RAPGEF6: variants seen among roughly 807,000 people sequenced by gnomAD.
The protein encoded by RAPGEF6 is PDZ domain containing guanine nucleotide exchange factor (GEF) 2.
A neutral mutation model predicts 171.4 loss-of-function variants in RAPGEF6; 56 were observed. That is an observed-to-expected ratio of 0.33 (90% CI 0.26 to 0.41). RAPGEF6 has a LOEUF of 0.41. Ranked by LOEUF, RAPGEF6 falls within the 10% of genes least tolerant of loss-of-function variation. The pLI, the probability that RAPGEF6 is intolerant of heterozygous loss-of-function variation, is 1.00. For missense variants in RAPGEF6, 1,674 were observed against 1,921.4 expected (o/e 0.87, Z 2.41); for synonymous variants, 692 against 650.1 (o/e 1.06, Z -0.98).
At chr5:131,469,670 C>T (rs926446579) in intron 17 of RAPGEF6, 2 of 602,262 alleles carry the variant, frequency 3.3e-6, no homozygotes, top group African/African-American at 3.7e-5. Flanking sequence ...TTAATACTGG[C>T]TACCTTCTAA....
chr5:131,495,739 A>G (rs1298032085), intron 12 of RAPGEF6, 79 bp from the exon 13 acceptor site: 42 of 1,507,296 alleles, frequency 2.8e-5, no homozygotes, highest in South Asian at 3.8e-5. Flanking sequence ...AGCATGTCTA[A>G]AACTCATGAA....
chr5:131,541,581 T>C (rs1307058689), intron 6 of RAPGEF6, among the ~76,000 whole-genome samples: 1 of 152,038 alleles, frequency 6.6e-6, no homozygotes, highest in Non-Finnish European at 1.5e-5. Context: ...GGTTTCAAAC[T>C]CCTGGCTTCA....
intron 24 of RAPGEF6, among the ~76,000 whole-genome samples, chr5:131,437,422 A>C (rs1420103019): frequency 6.6e-6 from 1 of 152,234 alleles, no homozygotes; most frequent in African/African-American, 2.4e-5. Context: ...GGGATGGACC[A>C]CTGAGCAGCC....
chr5:131,503,063 A>G (rs1308605808), intron 11 of RAPGEF6, among the ~76,000 whole-genome samples: 1 of 152,190 alleles, frequency 6.6e-6, no homozygotes, highest in Admixed American at 6.5e-5. Context: ...TTGGCCTCCC[A>G]AAGTGCTGGG....
intron 23 of RAPGEF6, 177 bp from the exon 24 acceptor site, chr5:131,439,892 T>A: frequency 9.2e-7 from 1 of 1,087,822 alleles, no homozygotes; most frequent in Non-Finnish European, 1.3e-6. Context: ...GATTCTCACC[T>A]CTAGGTTATT....
At chr5:131,450,744 G>A (rs1753010033) in intron 21 of RAPGEF6, among the ~76,000 whole-genome samples, 1 of 152,042 alleles carries the variant, frequency 6.6e-6, no homozygotes, top group Admixed American at 6.5e-5. Flanking sequence ...CTTAAAGAAA[G>A]GTATTACATT....
intron 4 of RAPGEF6, among the ~76,000 whole-genome samples, chr5:131,585,196 A>AT (rs1374399108): frequency 6.6e-6 from 1 of 152,110 alleles, no homozygotes; most frequent in African/African-American, 2.4e-5. Context: ...ACGCAACATT[A>AT]TACCATACCC....
chr5:131,538,025 A>C (rs1341935024), intron 6 of RAPGEF6, among the ~76,000 whole-genome samples: 1 of 152,196 alleles, frequency 6.6e-6, no homozygotes, highest in Admixed American at 6.5e-5. Flanking sequence ...TTGGGAGGTC[A>C]AAGCTGCAAT....
In RAPGEF6 at chr5:131,498,622, A is replaced by G; in HGVS notation, c.1255-15T>C. On this transcript the variant is annotated splice_polypyrimidine_tract_variant and intron_variant, in intron 11 of 27. Coordinates refer to ENST00000509018, the MANE Select transcript of RAPGEF6 (RefSeq NM_016340.6). ...TCAGGTGTTGCCTAAAAATCCAAGG[A>G]TAGGAAGGATTAGAAAATAAACAAA... 6.2e-7 allele frequency: 1 copy of G among 1,607,074 alleles called. No homozygotes were observed.
At chr5:131,548,298 G>C in intron 5 of RAPGEF6, 108 bp from the exon 6 acceptor site, 1 of 1,111,158 alleles carries the variant, frequency 9.0e-7, no homozygotes, top group Non-Finnish European at 1.3e-6. Flanking sequence ...CTTCTTACAA[G>C]AAACTGCCTC....
intron 11 of RAPGEF6, 92 bp downstream of exon 11, chr5:131,504,534 T>C: frequency 7.8e-7 from 1 of 1,281,974 alleles, no homozygotes. Context: ...TAATGAATTA[T>C]CTTGCATTAC....
chr5:131,604,702 C>T lies in RAPGEF6; in HGVS notation c.70-9G>A. On this transcript the variant is annotated splice_polypyrimidine_tract_variant and intron_variant, in intron 1 of 27. Coordinates refer to ENST00000509018, the MANE Select transcript of RAPGEF6 (RefSeq NM_016340.6). ...TAAATAGTATTTAAGTCCTGTGGAA[C>T]AGAAGAAAAAAATTAGATTATTTTT... 1 of 1,591,394 alleles carries T rather than the reference C, an allele frequency of 6.3e-7. No homozygotes were observed.
intron 15 of RAPGEF6, among the ~76,000 whole-genome samples, chr5:131,484,222 CTTTTTTT>C (rs751000560): frequency 1.2e-4 from 9 of 74,108 alleles, no homozygotes; most frequent in African/African-American, 3.1e-4. Context: ...ACTGCAGAGG[CTTTTTTT>C]TTTTTTTTTT....
chr5:131,476,048 G>A (rs989593733), intron 16 of RAPGEF6, among the ~76,000 whole-genome samples: 2 of 152,122 alleles, frequency 1.3e-5, no homozygotes, highest in Non-Finnish European at 2.9e-5. Flanking sequence ...AAAGAAAGCA[G>A]AGAAGGAAGG....
Position 131,446,496 on chromosome 5 carries a change from A to G in RAPGEF6, c.3408T>C (p.Pro1136=), listed in dbSNP as rs749905730. 6.2e-7 allele frequency: 1 copy of G among 1,613,770 alleles called. No homozygotes were observed. The highest frequency in any genetic ancestry group is 1.7e-5 in the Admixed American group (1 of 59,990). ...KFQMMSLQWE[P]AYGTLTKNLS... ...ACTTGTACTCACAGGTACCATATGC[A>G]GGCTCCCACTGTAATGACATCATCT... The change falls in exon 22 of 28, where the codon CCT becomes CCC. Residue 1136 remains proline, a synonymous_variant. Coordinates refer to ENST00000509018, the MANE Select transcript of RAPGEF6 (RefSeq NM_016340.6).
chr5:131,467,610 T>C (rs1045160704), intron 17 of RAPGEF6, among the ~76,000 whole-genome samples: 2 of 152,246 alleles, frequency 1.3e-5, no homozygotes, highest in African/African-American at 4.8e-5. Flanking sequence ...CTTAGATGAA[T>C]GGTCAATATG....
At chr5:131,497,018 G>A (rs184677066) in intron 12 of RAPGEF6, among the ~76,000 whole-genome samples, 92 of 152,204 alleles carry the variant, frequency 6.0e-4, no homozygotes, top group Middle Eastern at 3.4e-3. Flanking sequence ...TCTCCATACC[G>A]TTGGCAATGT....
intron 27 of RAPGEF6, among the ~76,000 whole-genome samples, chr5:131,427,659 C>T (rs115533749): frequency 1.3e-5 from 2 of 152,132 alleles, no homozygotes; most frequent in Admixed American, 6.5e-5. Flanking sequence ...AACACAGTTT[C>T]AAGTTTCCAT....
At position 131,634,683 on chromosome 5, in the gene RAPGEF6, C is replaced by T. The variant is rs552312106; in HGVS notation, c.69+279G>A. Among the ~76,000 whole-genome samples the T allele has an allele frequency of 3.3e-5, 5 of 152,294 alleles. No individual in the cohort carries two copies. The East Asian group carries it at 9.6e-4, about 29-fold the overall frequency. ...CATCTAACTGCGAAACTCATATTAC[C>T]CAACTCAGAAAATACGACTTAGTAA... On this transcript the variant is annotated intron_variant, in intron 1 of 27. Coordinates refer to ENST00000509018, the MANE Select transcript of RAPGEF6 (RefSeq NM_016340.6).
Sources: gnomAD v4.1 joint callset for allele counts (sites outside exome capture counted in the v4.1 genomes callset) on GRCh38, gnomAD v4.1.1 for gene constraint, MANE v1.5 for transcripts, NCBI Gene and HGNC (gene_info 2026-07-23, HGNC 2026-07-21) for gene names.